Variants in HMCN1 observed in about 807,000 individuals in gnomAD.
The protein encoded by HMCN1 is hemicentin-1.
HMCN1 carries 321 observed loss-of-function variants against 625.9 expected under a neutral mutation model. The observed-to-expected ratio is 0.51, with a 90% CI of 0.47 to 0.56. The LOEUF (loss-of-function observed/expected upper bound fraction) is 0.56, where lower values mean the gene tolerates loss of function less well. Among genes scored for constraint, HMCN1 ranks in the 20% least tolerant of loss-of-function variants. HMCN1 has a pLI of 0.00. For missense variants in HMCN1, 6,588 were observed against 6,887.3 expected, an observed-to-expected ratio of 0.96 and a Z score of 1.54; for synonymous variants, 2,425 against 2,417.6, an observed-to-expected ratio of 1.00 and a Z score of -0.09.
chr1:185,779,266 A>G (rs977245982), intron 1 of HMCN1, among the ~76,000 whole-genome samples: 11 of 152,082 alleles, frequency 7.2e-5, no homozygotes, highest in African/African-American at 2.2e-4. Flanking sequence ...AGATGAGTAG[A>G]TTGCAAAAAT....
rs748982475 is a variant in HMCN1, at chr1:186,130,570, T to A, written c.13103T>A (p.Ile4368Asn). ...NWIEPLGGNA[I>N]LNCEVKGDPT... Reference sequence around the variant, plus strand: ...ATTGAACCACTTGGTGGGAATGCAATCCTGAATTGTGAGGTGAAAGGAGAC... The same window carrying A: ...ATTGAACCACTTGGTGGGAATGCAAACCTGAATTGTGAGGTGAAAGGAGAC... The change falls in exon 85 of 107, where the codon ATC becomes AAC. Residue 4368 changes from isoleucine to asparagine, a missense_variant. By Grantham distance (149) the Ile-to-Asn change is moderately radical. This residue lies in a region of HMCN1 where 1,954 missense variants were observed against 2,013.1 expected (regional missense o/e 0.97). Coordinates refer to ENST00000271588, the MANE Select transcript of HMCN1 (RefSeq NM_031935.3). 6.2e-6 allele frequency: 10 copies of A among 1,613,458 alleles called. No homozygotes were observed. The highest frequency in any genetic ancestry group is 8.5e-6 in the Non-Finnish European group (10 of 1,179,650).
At chr1:186,013,998 C>T (rs150076856) in intron 30 of HMCN1, among the ~76,000 whole-genome samples, 29 of 152,198 alleles carry the variant, frequency 1.9e-4, no homozygotes, top group African/African-American at 7.0e-4. Flanking sequence ...TAAGGACTGC[C>T]TTCAAAGGAA....
chr1:186,145,338 T>A lies in HMCN1; in HGVS notation c.14267-65T>A, dbSNP rs775483801. The stretch of plus-strand genomic sequence containing the variant: ...TTTTTTTTAATACTTTTTGGATGAA[T>A]GTCATTGTTGACCACTTCTCATTTT... On this transcript the variant is annotated intron_variant, in intron 91 of 106. Coordinates refer to ENST00000271588, the MANE Select transcript of HMCN1 (RefSeq NM_031935.3). 2.8e-6 allele frequency: 4 copies of A among 1,454,100 alleles called. No individual in the cohort carries two copies. The African/African-American group carries it at 4.3e-5, about 15-fold the overall frequency. The allele number at this position is 1,454,100 out of a possible 1,614,324, so 90.1% of individuals were successfully genotyped here. A position where few individuals can be genotyped will look rare whatever the true frequency, so the allele number is the denominator to read the frequency against.
chr1:185,856,807 G>T lies in HMCN1; in HGVS notation c.340-7663G>T, dbSNP rs147007124. 7.7e-3 allele frequency among the ~76,000 whole-genome samples: 1,170 copies of T among 152,240 alleles called. 12 individuals are homozygous for T. Among genetic ancestry groups the T allele is most frequent in the African/African-American group, 0.027 (1,128 of 41,552 alleles). On this transcript the variant is annotated intron_variant, in intron 2 of 106. Coordinates refer to ENST00000271588, the MANE Select transcript of HMCN1 (RefSeq NM_031935.3). ...ATAAAAACGAGTTCAATGAAAAGAC[G>T]AGAATAGAAGAATTGAAATAGGTTG...
At chr1:186,069,052 A>C (rs1237916089) in intron 50 of HMCN1, among the ~76,000 whole-genome samples, 1 of 152,140 alleles carries the variant, frequency 6.6e-6, no homozygotes, top group Non-Finnish European at 1.5e-5. Flanking sequence ...CTGTGTGGGA[A>C]AAGTATAAAG....
At chr1:186,119,113 C>G in intron 77 of HMCN1, 78 bp from the exon 78 acceptor site, 1 of 1,053,998 alleles carries the variant, frequency 9.5e-7, no homozygotes, top group African/African-American at 1.6e-5. Context: ...GCAGAAAACA[C>G]ACAAAAGAGA....
intron 97 of HMCN1, among the ~76,000 whole-genome samples, chr1:186,158,433 A>G (rs1369556530): frequency 6.6e-6 from 1 of 152,088 alleles, no homozygotes; most frequent in African/African-American, 2.4e-5. Flanking sequence ...GAAGCTCTTT[A>G]GCTTAATTAG....
At chr1:186,108,189 A>G (rs929274952) in intron 70 of HMCN1, among the ~76,000 whole-genome samples, 1 of 151,918 alleles carries the variant, frequency 6.6e-6, no homozygotes. Context: ...TTGTGCCTCC[A>G]TTTCTTTACT....
At chr1:186,023,253 GT>G in intron 36 of HMCN1, 100 bp downstream of exon 36, 1 of 837,658 alleles carries the variant, frequency 1.2e-6, no homozygotes, top group Non-Finnish European at 1.8e-6. Context: ...AGAAACAGGT[GT>G]TTATTTTCTT....
intron 1 of HMCN1, among the ~76,000 whole-genome samples, chr1:185,775,142 C>T (rs896256259): frequency 6.6e-6 from 1 of 152,200 alleles, no homozygotes; most frequent in African/African-American, 2.4e-5. Flanking sequence ...CTGAGATTAT[C>T]ACCTGGATAT....
At chr1:186,144,151 C>T (rs1171077880) in intron 89 of HMCN1, 22 bp from the exon 90 acceptor site, 2 of 1,562,688 alleles carry the variant, frequency 1.3e-6, no homozygotes, top group Non-Finnish European at 1.7e-6. Flanking sequence ...TGACTTGCAA[C>T]TGTCTTTTGG....
At position 186,151,238 on chromosome 1, in the gene HMCN1, A is replaced by G. The variant is rs1650643917; in HGVS notation, c.14647A>G (p.Ile4883Val). ...AGCCAGAGGAAGTGTTATTGGAAATATTAATGATGTTGAATTTGGAATTGC... is the reference window on the plus strand; with the variant it reads ...AGCCAGAGGAAGTGTTATTGGAAATGTTAATGATGTTGAATTTGGAATTGC... ...QRARGSVIGN[I>V]NDVEFGIAFL... The change falls in exon 94 of 107, where the codon ATT (isoleucine) becomes GTT (valine). Residue 4883 changes from isoleucine (I) to valine (V), a missense_variant. Around this residue, in one of 3 missense-constraint regions of HMCN1, gnomAD observed 1,954 missense variants for 2,013.1 expected, o/e 0.97. Coordinates refer to ENST00000271588, the MANE Select transcript of HMCN1 (RefSeq NM_031935.3). 2 of 1,613,738 alleles carry G rather than the reference A, an allele frequency of 1.2e-6. No individual in the cohort carries two copies.
chr1:185,923,296 G>A, intron 7 of HMCN1, 94 bp from the exon 8 acceptor site: 1 of 970,898 alleles, frequency 1.0e-6, no homozygotes, highest in Non-Finnish European at 1.6e-6. Flanking sequence ...GCATCCTTAT[G>A]GTACTCATAT....
At chr1:186,072,967 T>C (rs1415448064) in intron 52 of HMCN1, among the ~76,000 whole-genome samples, 3 of 152,194 alleles carry the variant, frequency 2.0e-5, no homozygotes, top group African/African-American at 7.2e-5. Flanking sequence ...AAGGTCCAGC[T>C]ATGAAGTTAT....
chr1:186,170,289 C>A (rs1384771626), intron 100 of HMCN1, among the ~76,000 whole-genome samples: 1 of 151,898 alleles, frequency 6.6e-6, no homozygotes. Context: ...AGGGAGATAC[C>A]CTCTCCAGCA....
intron 18 of HMCN1, among the ~76,000 whole-genome samples, chr1:185,982,692 C>T (rs981641667): frequency 3.9e-5 from 6 of 152,024 alleles, no homozygotes; most frequent in African/African-American, 7.2e-5. Context: ...CCATCCACCT[C>T]GGCCTCTCAA....
intron 1 of HMCN1, among the ~76,000 whole-genome samples, chr1:185,817,777 T>C (rs1443457701): frequency 6.6e-6 from 1 of 152,158 alleles, no homozygotes; most frequent in East Asian, 1.9e-4. Context: ...CAGTCAGATT[T>C]TGAAACAGAA....
chr1:186,016,767 T>C (rs1654395653), intron 32 of HMCN1, among the ~76,000 whole-genome samples, 196 bp from the exon 33 acceptor site: 1 of 152,082 alleles, frequency 6.6e-6, no homozygotes, highest in Admixed American at 6.6e-5. Flanking sequence ...AGGTATGATA[T>C]GTTAAAAGTA....
chr1:186,151,581 CTTAT>C (rs1167753646), intron 94 of HMCN1, 21 bp from the exon 95 acceptor site: 1 of 1,604,692 alleles, frequency 6.2e-7, no homozygotes. Context: ...TTGCTATCAC[CTTAT>C]TTATCCTTTT....
Sources: gnomAD v4.1 joint callset for allele counts (sites outside exome capture counted in the v4.1 genomes callset) on GRCh38, gnomAD v4.1.1 for gene constraint, gnomAD v4.1.1 regional missense constraint, MANE v1.5 for transcripts, NCBI Gene and HGNC (gene_info 2026-07-23, HGNC 2026-07-21) for gene names.